PRRG4: variants seen among roughly 807,000 people sequenced by gnomAD.
The protein encoded by PRRG4 is transmembrane gamma-carboxyglutamic acid protein 4.
Under a neutral mutation model 20.0 loss-of-function variants are expected in PRRG4, and 12 were observed. The observed-to-expected ratio is 0.60, with a 90% confidence interval of 0.38 to 0.97. The LOEUF is 0.97. Ranked by LOEUF, PRRG4 falls within the 50% of genes least tolerant of loss-of-function variation. The pLI is 0.00. For missense variants in PRRG4, 199 were observed against 265.1 expected (o/e 0.75, Z 1.73); for synonymous variants, 94 against 96.4 (o/e 0.98, Z 0.15).
chr11:32,839,942 T>C (rs1851062374), intron 4 of PRRG4, among the ~76,000 whole-genome samples, 165 bp from the exon 5 acceptor site: 1 of 150,482 alleles, frequency 6.6e-6, no homozygotes, highest in African/African-American at 2.4e-5. Context: ...AGAAGTGTCA[T>C]TTAAATTTTT....
chr11:32,838,983 A>G (rs377387573), intron 4 of PRRG4, 53 bp downstream of exon 4: 349 of 1,322,710 alleles, frequency 2.6e-4, no homozygotes, highest in Non-Finnish European at 3.4e-4. Context: ...TCTCTGTTGT[A>G]ATACATTTTA....
At position 32,840,433 on chromosome 11, in the gene PRRG4, A is replaced by G. The variant is rs1851067194; in HGVS notation, c.449+194A>G. Among the ~76,000 whole-genome samples the G allele has an allele frequency of 1.3e-5, 2 of 152,218 alleles. No individual in the cohort carries two copies. Among genetic ancestry groups the G allele is most frequent in the African/African-American group, 4.8e-5 (2 of 41,464 alleles). On this transcript the variant is annotated intron_variant, in intron 5 of 5. Transcript: ENST00000257836. The surrounding 1 kb of genome is among the most constrained non-coding windows in gnomAD (Gnocchi z 4.1). ...CCATCACCCAATTTCCCACATTGTT[A>G]ATATCTTGTATTACCATAGTAGATT...
At chr11:32,844,467 CTATTATTATTATTATTATTATTATTA>C (rs1851108287) in intron 5 of PRRG4, among the ~76,000 whole-genome samples, 1 of 143,174 alleles carries the variant, frequency 7.0e-6, no homozygotes, top group African/African-American at 2.6e-5. Context: ...TAAATGTTAG[CTATTATTATTATTATTATTATTATTA>C]TTATTATTAT....
At chr11:32,843,687 ATTAAG>A (rs940973093) in intron 5 of PRRG4, among the ~76,000 whole-genome samples, 2 of 151,204 alleles carry the variant, frequency 1.3e-5, no homozygotes, top group African/African-American at 4.8e-5. Flanking sequence ...GTTCAGTAGT[ATTAAG>A]TTGATTCACT....
intron 5 of PRRG4, among the ~76,000 whole-genome samples, chr11:32,853,034 C>T (rs542277522): frequency 9.3e-5 from 14 of 150,450 alleles, no homozygotes; most frequent in East Asian, 7.9e-4. Context: ...ATGATCCGCC[C>T]GCCTCAGCCT....
At chr11:32,835,027 T>C (rs2133438741) in intron 2 of PRRG4, among the ~76,000 whole-genome samples, 1 of 152,278 alleles carries the variant, frequency 6.6e-6, no homozygotes, top group Non-Finnish European at 1.5e-5. Flanking sequence ...TTGCCCAGGC[T>C]GGTCTCCAAC....
chr11:32,831,270 GA>G (rs370065000), intron 2 of PRRG4, among the ~76,000 whole-genome samples: 165 of 150,664 alleles, frequency 1.1e-3, no homozygotes, highest in African/African-American at 3.8e-3. Context: ...AAAACCAGAA[GA>G]AAAAAAAAGC....
At chr11:32,850,326 G>A (rs1381075863) in intron 5 of PRRG4, among the ~76,000 whole-genome samples, 2 of 152,034 alleles carry the variant, frequency 1.3e-5, no homozygotes, top group African/African-American at 4.8e-5. Context: ...CTTCTTCCCT[G>A]CATAAGGGAT....
At position 32,853,582 on chromosome 11, in the gene PRRG4, T is replaced by TGCCC; in HGVS notation, c.*56_*57insCCCG. On this transcript the variant is annotated 3_prime_UTR_variant, in exon 6 of 6. Transcript: ENST00000257836. ...GTGTTATTTGATAGGCCGGGCATGG[T>TGCCC]GGCTCATGCCTGTAATCCCAGCACT... 1 of 1,385,636 alleles carries TGCCC rather than the reference T, an allele frequency of 7.2e-7. No homozygotes were observed. Among genetic ancestry groups the TGCCC allele is most frequent in the Non-Finnish European group, 1.0e-6 (1 of 987,442 alleles). The allele number at this position is 1,385,636 out of a possible 1,614,324, so 85.8% of individuals were successfully genotyped here. A position where few individuals can be genotyped will look rare whatever the true frequency, so the allele number is the denominator to read the frequency against.
At chr11:32,844,746 G>A (rs1851112625) in intron 5 of PRRG4, among the ~76,000 whole-genome samples, 1 of 151,850 alleles carries the variant, frequency 6.6e-6, no homozygotes. Flanking sequence ...AGTAATCCTC[G>A]TGCCTTGGCC....
rs181712443 is a variant in PRRG4 at position 32,837,332 on chromosome 11, A to G, written c.267+511A>G. Among the ~76,000 whole-genome samples the G allele has an allele frequency of 1.6e-3, 239 of 152,220 alleles. 5 individuals carry two copies. The Middle Eastern group carries it at 0.017, about 11-fold the overall frequency. ...CCTTGAACCTGAGGATACAAAACAT[A>G]TAGCCCTTGTATTCGGAAGTATATT... On this transcript the variant is annotated intron_variant, in intron 3 of 5. Coordinates refer to ENST00000257836, the MANE Select transcript of PRRG4 (RefSeq NM_024081.6).
chr11:32,844,393 A>C (rs1327693231), intron 5 of PRRG4, among the ~76,000 whole-genome samples: 1 of 151,768 alleles, frequency 6.6e-6, no homozygotes, highest in African/African-American at 2.4e-5. Context: ...TACAGGATTT[A>C]AATGACGTGA....
chr11:32,831,001 A>G (rs985868812), intron 2 of PRRG4, among the ~76,000 whole-genome samples: 4 of 152,302 alleles, frequency 2.6e-5, no homozygotes, highest in East Asian at 1.9e-4. Context: ...TCCAGGATCT[A>G]GTCTGGACTT....
intron 2 of PRRG4, among the ~76,000 whole-genome samples, chr11:32,831,504 C>T (rs1396323997): frequency 1.3e-5 from 2 of 152,116 alleles, no homozygotes; most frequent in Non-Finnish European, 2.9e-5. Context: ...CTAGAACAAT[C>T]CATTAACCCA....
chr11:32,846,495 T>C (rs1851131606), intron 5 of PRRG4, among the ~76,000 whole-genome samples: 1 of 152,162 alleles, frequency 6.6e-6, no homozygotes, highest in African/African-American at 2.4e-5. Flanking sequence ...TATACTAGGT[T>C]CTAGGAACAC....
rs925031357 is a variant in PRRG4, at chr11:32,831,112, T to G, written c.103+480T>G. On this transcript the variant is annotated intron_variant, in intron 2 of 5. Coordinates refer to ENST00000257836, the MANE Select transcript of PRRG4 (RefSeq NM_024081.6). ...GTAAAATGATCTCTGAGGTCCTTTT[T>G]GACTTCAGATGGTCTAGTTGTCTAG... 2.6e-5 allele frequency among the ~76,000 whole-genome samples: 4 copies of G among 152,220 alleles called. No individual in the cohort carries two copies. In the East Asian group the frequency reaches 5.8e-4, roughly 22 times the overall value.
chr11:32,853,574 G>A lies in PRRG4; in HGVS notation c.*47G>A, dbSNP rs755208996. On this transcript the variant is annotated 3_prime_UTR_variant, in exon 6 of 6. Transcript: ENST00000257836. ...AGAAATTTGTGTTATTTGATAGGCC[G>A]GGCATGGTGGCTCATGCCTGTAATC... 4.5e-5 allele frequency: 65 copies of A among 1,449,194 alleles called. No individual in the cohort carries two copies. Among genetic ancestry groups the A allele is most frequent in the Middle Eastern group, 1.7e-4 (1 of 5,736 alleles). 89.8% of individuals were successfully genotyped at this position (1,449,194 alleles called of 1,614,324 possible).
chr11:32,846,620 A>G (rs1411743145), intron 5 of PRRG4, among the ~76,000 whole-genome samples: 1 of 144,360 alleles, frequency 6.9e-6, no homozygotes, highest in Non-Finnish European at 1.6e-5. Flanking sequence ...ACCAACAAGG[A>G]TGCTAGCATG....
chr11:32,831,117 T>G (rs1850966996), intron 2 of PRRG4, among the ~76,000 whole-genome samples: 1 of 152,088 alleles, frequency 6.6e-6, no homozygotes. Flanking sequence ...CTTTTTGACT[T>G]CAGATGGTCT....
Sources: allele counts gnomAD v4.1 joint callset (sites outside exome capture counted in the v4.1 genomes callset), GRCh38; gene constraint gnomAD v4.1.1; non-coding constraint Gnocchi (gnomAD v3.1); transcripts MANE v1.5; gene names NCBI Gene and HGNC (gene_info 2026-07-23, HGNC 2026-07-21).